Variants in LRRC8C observed in about 807,000 individuals in gnomAD.
LRRC8C encodes the protein volume-regulated anion channel subunit LRRC8C.
LRRC8C carries 20 observed loss-of-function variants against 55.3 expected under a neutral mutation model. That is an observed-to-expected ratio of 0.36 (90% confidence interval 0.25 to 0.53). The LOEUF is 0.53. Among genes scored for constraint, LRRC8C ranks in the 20% least tolerant of loss-of-function variants. The pLI, the probability that LRRC8C is intolerant of heterozygous loss-of-function variation, is 0.92. For synonymous variants in LRRC8C, 376 were observed against 360.7 expected, an observed-to-expected ratio of 1.04 and a Z score of -0.48; for missense variants, 659 against 951.4, an observed-to-expected ratio of 0.69 and a Z score of 4.04.
chr1:89,690,872 G>C (rs923825224), intron 2 of LRRC8C, among the ~76,000 whole-genome samples: 2 of 152,160 alleles, frequency 1.3e-5, no homozygotes, highest in Admixed American at 1.3e-4. Context: ...ACTAACCTGG[G>C]CCCTTCACAC....
chr1:89,631,750 C>T (rs1253277328), upstream of LRRC8C: 1 of 152,042 alleles, frequency 6.6e-6, no homozygotes, highest in East Asian at 1.9e-4. Context: ...AGATTCAGCT[C>T]CTAAGGCCTA....
rs373204143 is a variant in LRRC8C at position 89,713,311 on chromosome 1, G to A, written c.741G>A (p.Lys247=). 138 of 1,614,126 alleles carry A rather than the reference G, an allele frequency of 8.5e-5. No homozygotes were observed. The highest frequency in any genetic ancestry group is 1.0e-4 in the Non-Finnish European group (123 of 1,180,050). The stretch of plus-strand genomic sequence containing the variant: ...AGGCCTTATTTGAGAAGGTGAAGAA[G>A]TTCAGGCTGCATGTGGAAGAAGGTG... ...QAKALFEKVK[K]FRLHVEEGDI... Residue 247 remains lysine (K), a synonymous_variant, in exon 3 of 3, where the codon AAG becomes AAA. Transcript: ENST00000370454. The surrounding 1 kb of genome is among the most constrained non-coding windows in gnomAD (Gnocchi z 5.2).
intron 1 of LRRC8C, among the ~76,000 whole-genome samples, chr1:89,658,716 T>C (rs952308000): frequency 6.6e-6 from 1 of 152,186 alleles, no homozygotes; most frequent in Non-Finnish European, 1.5e-5. Context: ...AACTATAAAA[T>C]GTTTCTTGAA....
chr1:89,703,250 A>G (rs1658381779), intron 2 of LRRC8C, among the ~76,000 whole-genome samples: 2 of 152,226 alleles, frequency 1.3e-5, no homozygotes, highest in Non-Finnish European at 2.9e-5. Flanking sequence ...CAAGCTTCTC[A>G]TCAGAAAAAA....
rs10593283 is a variant in LRRC8C, at chr1:89,680,549, C to CTTTTTTTTTTTTTTT, written c.-4-5913_-4-5899dup. Among the ~76,000 whole-genome samples, 2 of 91,870 alleles carry CTTTTTTTTTTTTTTT rather than the reference C, an allele frequency of 2.2e-5. 1 individual carries two copies. The allele number at this position is 91,870 out of a possible 152,430, so 60.3% of individuals were successfully genotyped here. On this transcript the variant is annotated intron_variant, in intron 1 of 2. Transcript: ENST00000370454. ...GTGCCAGGTGTTTCATGCTTTCATGCTTTTTTTTTTTTTTTTTTTTTTCTG... is the reference window on the plus strand; with the variant it reads ...GTGCCAGGTGTTTCATGCTTTCATGCTTTTTTTTTTTTTTTTTTTTTTTTTTTTTTTTTTTTTCTG...
intron 1 of LRRC8C, among the ~76,000 whole-genome samples, chr1:89,666,298 A>G (rs554931339): frequency 6.6e-6 from 1 of 152,142 alleles, no homozygotes; most frequent in Non-Finnish European, 1.5e-5. Flanking sequence ...AAAACATGAT[A>G]CTGTTAATAA....
intron 1 of LRRC8C, among the ~76,000 whole-genome samples, chr1:89,657,673 A>G (rs1389937872): frequency 6.7e-6 from 1 of 150,088 alleles, no homozygotes; most frequent in African/African-American, 2.5e-5. Flanking sequence ...CCCGGGAGGC[A>G]GAGGTTGCAG....
At chr1:89,648,512 T>C (rs7528433) in intron 1 of LRRC8C, among the ~76,000 whole-genome samples, 84,750 of 152,004 alleles carry the variant, frequency 0.56, 24,047 homozygotes, top group East Asian at 0.79. Context: ...TTAATGCACA[T>C]TGTATCAGAG....
Position 89,713,928 on chromosome 1 carries a change from T to C in LRRC8C, c.1358T>C (p.Ile453Thr), listed in dbSNP as rs750163797. ...ITELQSLKLE[I>T]IKNVMIPATI... is the part of the protein sequence containing the mutation. ...GAGTTGCAATCTCTAAAACTTGAAA[T>C]CATTAAGAACGTAATGATACCAGCC... The change falls in exon 3 of 3, where the codon ATC (isoleucine) becomes ACC (threonine). Residue 453 changes from isoleucine to threonine, a missense_variant. Around this residue, in one of 5 missense-constraint regions of LRRC8C, gnomAD observed 344 missense variants for 464.6 expected, o/e 0.74. Coordinates refer to ENST00000370454, the MANE Select transcript of LRRC8C (RefSeq NM_032270.5). The surrounding 1 kb of genome is among the most constrained non-coding windows in gnomAD (Gnocchi z 5.2). 1 of 1,614,000 alleles carries C rather than the reference T, an allele frequency of 6.2e-7. No homozygotes were observed. Among genetic ancestry groups the C allele is most frequent in the Non-Finnish European group, 8.5e-7 (1 of 1,180,012 alleles).
At chr1:89,675,715 C>T (rs766362403) in intron 1 of LRRC8C, among the ~76,000 whole-genome samples, 5 of 152,230 alleles carry the variant, frequency 3.3e-5, no homozygotes, top group African/African-American at 4.8e-5. Context: ...AGGAGAAACA[C>T]ACAGCCTTTT....
chr1:89,669,073 A>G (rs1657346569), intron 1 of LRRC8C, among the ~76,000 whole-genome samples: 1 of 152,230 alleles, frequency 6.6e-6, no homozygotes, highest in East Asian at 1.9e-4. Context: ...AGAAAAAGAA[A>G]ATGTAGTATA....
intron 2 of LRRC8C, among the ~76,000 whole-genome samples, chr1:89,712,131 A>G (rs907675147): frequency 2.0e-5 from 3 of 151,672 alleles, no homozygotes; most frequent in Non-Finnish European, 4.4e-5. Context: ...TTTTTTTTTG[A>G]GACAAAATTT....
chr1:89,656,417 C>T (rs1217041329), intron 1 of LRRC8C, among the ~76,000 whole-genome samples: 2 of 152,092 alleles, frequency 1.3e-5, no homozygotes, highest in East Asian at 1.9e-4. Flanking sequence ...TATTAGCTAT[C>T]GAGGCTTTCT....
At chr1:89,679,001 T>C (rs1358853464) in intron 1 of LRRC8C, among the ~76,000 whole-genome samples, 2 of 152,036 alleles carry the variant, frequency 1.3e-5, no homozygotes, top group South Asian at 2.1e-4. Flanking sequence ...GATGGAGATA[T>C]GAATTTGTGA....
chr1:89,623,057 T>C, the LRRC8C span, among the ~76,000 whole-genome samples: 1 of 152,092 alleles, frequency 6.6e-6, no homozygotes, highest in Non-Finnish European at 1.5e-5. Flanking sequence ...TTTCATGTTG[T>C]GGTTAAATGC....
At chr1:89,701,071 C>A (rs1186755754) in intron 2 of LRRC8C, among the ~76,000 whole-genome samples, 2 of 151,946 alleles carry the variant, frequency 1.3e-5, no homozygotes, top group Non-Finnish European at 2.9e-5. Flanking sequence ...CACTTGAGCC[C>A]AGGAGTTCAA....
chr1:89,678,551 T>G (rs10801769), intron 1 of LRRC8C, among the ~76,000 whole-genome samples: 6 of 151,812 alleles, frequency 4.0e-5, no homozygotes, highest in Non-Finnish European at 7.4e-5. Flanking sequence ...AAATACAAAA[T>G]TAGCTGGGCA....
intron 1 of LRRC8C, among the ~76,000 whole-genome samples, chr1:89,656,566 T>C (rs1656949274): frequency 6.6e-6 from 1 of 152,196 alleles, no homozygotes; most frequent in African/African-American, 2.4e-5. Context: ...TGGGGCAGTT[T>C]GGCATTTCAC....
intron 2 of LRRC8C, among the ~76,000 whole-genome samples, chr1:89,705,453 C>G (rs1357206324): frequency 2.0e-5 from 3 of 151,224 alleles, no homozygotes; most frequent in African/African-American, 7.3e-5. Context: ...AGGGATTAAC[C>G]AAAAATAAAA....
Sources: gnomAD v4.1 joint callset for allele counts (sites outside exome capture counted in the v4.1 genomes callset) on GRCh38, gnomAD v4.1.1 for gene constraint, gnomAD v4.1.1 regional missense constraint, Gnocchi (gnomAD v3.1) non-coding constraint, MANE v1.5 for transcripts, NCBI Gene and HGNC (gene_info 2026-07-23, HGNC 2026-07-21) for gene names.